The following MINAR1 variants were observed in gnomAD, a reference collection of about 807,000 sequenced individuals.
MINAR1 encodes membrane integral NOTCH2 associated receptor 1.
A neutral mutation model predicts 65.1 loss-of-function variants in MINAR1; 40 were observed. The ratio of observed to expected loss-of-function variants is 0.61; its 90% confidence interval spans 0.48 to 0.80. The LOEUF is 0.80. Among genes scored for constraint, MINAR1 ranks in the 30% least tolerant of loss-of-function variants. The pLI is 0.00. For synonymous variants in MINAR1, 482 were observed against 449.1 expected, an observed-to-expected ratio of 1.07 and a Z score of -0.93; for missense variants, 1,128 against 1,148.0, an observed-to-expected ratio of 0.98 and a Z score of 0.25.
intron 3 of MINAR1, 92 bp from the exon 4 acceptor site, chr15:79,468,095 A>G (rs768071137): frequency 9.0e-6 from 9 of 996,646 alleles, no homozygotes; most frequent in Admixed American, 4.3e-5. Context: ...GCTGCAGACA[A>G]CTTAAGTGCT....
At chr15:79,448,217 A>T (rs1183450143) in intron 1 of MINAR1, among the ~76,000 whole-genome samples, 1 of 152,226 alleles carries the variant, frequency 6.6e-6, no homozygotes, top group African/African-American at 2.4e-5. Context: ...AAATTGCTTC[A>T]TAATCACTTG....
intron 2 of MINAR1, among the ~76,000 whole-genome samples, 196 bp downstream of exon 2, chr15:79,458,641 C>T (rs1161302784): frequency 2.6e-5 from 4 of 152,172 alleles, no homozygotes; most frequent in African/African-American, 7.2e-5. Flanking sequence ...CCAGGTTGTC[C>T]ATCAGCTAGG....
chr15:79,465,408 C>T (rs1019586691), intron 3 of MINAR1, among the ~76,000 whole-genome samples: 3 of 150,302 alleles, frequency 2.0e-5, no homozygotes, highest in Non-Finnish European at 2.9e-5. Context: ...GTGCAGACCC[C>T]GTTCTTCTTT....
chr15:79,461,196 C>T (rs1313247060), intron 2 of MINAR1, among the ~76,000 whole-genome samples: 1 of 152,238 alleles, frequency 6.6e-6, no homozygotes, highest in South Asian at 2.1e-4. Flanking sequence ...GCATGGGCAG[C>T]AATGAAACTT....
the MINAR1 span, chr15:79,421,982 G>C: frequency 6.6e-6 from 1 of 152,226 alleles, no homozygotes; most frequent in African/African-American, 2.4e-5. Flanking sequence ...TCAGCAGCCT[G>C]TTGTCAAGGT....
intron 1 of MINAR1, among the ~76,000 whole-genome samples, chr15:79,455,027 TAAGA>T (rs773442867): frequency 3.9e-5 from 6 of 152,198 alleles, no homozygotes; most frequent in Non-Finnish European, 8.8e-5. Flanking sequence ...ATCAAAAAAA[TAAGA>T]AAGCTTGATG....
At chr15:79,420,174 T>C in the MINAR1 span, 5 of 152,302 alleles carry the variant, frequency 3.3e-5, no homozygotes, top group Middle Eastern at 3.4e-3. Flanking sequence ...ATCTTTAAGA[T>C]GCTGAGGGAG....
rs202104295 is a variant in MINAR1, at chr15:79,458,132, G to A, written c.1985G>A (p.Arg662Gln). ...EGPSDDSASPRMFHAHSGSHG... is the reference protein window; with the variant it reads ...EGPSDDSASPQMFHAHSGSHG... ...CCGTCTGATGACAGTGCCTCTCCCC[G>A]GATGTTCCACGCACACAGTGGCTCC... Residue 662 changes from arginine to glutamine, a missense_variant, in exon 2 of 4, where the codon CGG becomes CAG. By Grantham distance (43) the Arg-to-Gln change is conservative. Coordinates refer to ENST00000305428, the MANE Select transcript of MINAR1 (RefSeq NM_015206.3). 87 of 1,614,096 alleles carry A rather than the reference G, an allele frequency of 5.4e-5. 1 individual carries two copies. Among genetic ancestry groups the A allele is most frequent in the African/African-American group, 8.0e-5 (6 of 75,030 alleles).
chr15:79,448,251 C>T (rs1364021854), intron 1 of MINAR1, among the ~76,000 whole-genome samples: 1 of 152,160 alleles, frequency 6.6e-6, no homozygotes, highest in Non-Finnish European at 1.5e-5. Context: ...GGGCTTTGCA[C>T]TAGGGTTGAG....
In MINAR1 at chr15:79,472,054, A is replaced by G. The variant is rs751815753; in HGVS notation, c.*3670A>G. ...GAATGTAAGGTGAAATTTTATGTGC[A>G]AGATCCTGAAGGAATGGGTATTCTT... is the stretch of plus-strand genomic sequence containing the variant. On this transcript the variant is annotated 3_prime_UTR_variant, in exon 4 of 4. Coordinates refer to ENST00000305428, the MANE Select transcript of MINAR1 (RefSeq NM_015206.3). The G allele has an allele frequency of 6.6e-6, 1 of 152,626 alleles. No individual in the cohort carries two copies. The highest frequency in any genetic ancestry group is 2.4e-5 in the African/African-American group (1 of 41,452). The allele number at this position is 152,626 out of a possible 1,614,324, so 9.5% of individuals were successfully genotyped here. A position where few individuals can be genotyped will look rare whatever the true frequency, so the allele number is the denominator to read the frequency against.
chr15:79,429,609 C>T (rs1483507375), upstream of MINAR1, among the ~76,000 whole-genome samples: 1 of 152,188 alleles, frequency 6.6e-6, no homozygotes, highest in African/African-American at 2.4e-5. Context: ...CCCATCTCAT[C>T]GTCAGTCTCT....
chr15:79,440,742 C>G (rs554592436), intron 1 of MINAR1, among the ~76,000 whole-genome samples: 21 of 152,198 alleles, frequency 1.4e-4, no homozygotes, highest in Non-Finnish European at 2.9e-4. Flanking sequence ...TATCTTTCCC[C>G]TGCGCCTCCT....
intron 3 of MINAR1, among the ~76,000 whole-genome samples, chr15:79,466,788 A>G (rs1293986068): frequency 2.0e-5 from 3 of 152,170 alleles, no homozygotes; most frequent in Non-Finnish European, 4.4e-5. Context: ...CTGGTGAAGC[A>G]CCCAGAGACC....
At chr15:79,428,111 A>G (rs750048914), upstream of MINAR1, among the ~76,000 whole-genome samples, 8 of 152,144 alleles carry the variant, frequency 5.3e-5, no homozygotes, top group Non-Finnish European at 1.2e-4. Flanking sequence ...GGTACATTCA[A>G]GCTTATGCCT....
rs139431778 is a variant in MINAR1 at position 79,445,478 on chromosome 15, A to G, written c.-50-10620A>G. Among the ~76,000 whole-genome samples, 666 of 152,154 alleles carry G rather than the reference A, an allele frequency of 4.4e-3. 4 individuals are homozygous for G. Among genetic ancestry groups the G allele is most frequent in the Non-Finnish European group, 5.4e-3 (368 of 67,996 alleles). ...GCCATTTTGCCTGTAACAAACACTAACAATACTCTGATTTAGTTTTGATTG... is the reference window on the plus strand; with the variant it reads ...GCCATTTTGCCTGTAACAAACACTAGCAATACTCTGATTTAGTTTTGATTG... On this transcript the variant is annotated intron_variant, in intron 1 of 3. Transcript: ENST00000305428.
chr15:79,451,763 G>C (rs907217229), intron 1 of MINAR1, among the ~76,000 whole-genome samples: 3 of 152,134 alleles, frequency 2.0e-5, no homozygotes, highest in African/African-American at 7.2e-5. Context: ...TTTCCACATG[G>C]GGGTGGGGGT....
intron 1 of MINAR1, among the ~76,000 whole-genome samples, chr15:79,437,602 T>G (rs1455222258): frequency 3.1e-5 from 4 of 129,750 alleles, no homozygotes; most frequent in African/African-American, 1.2e-4. Context: ...CATGTGAATG[T>G]GGAGAGGTAA....
chr15:79,424,724 A>G, the MINAR1 span: 1 of 152,232 alleles, frequency 6.6e-6, no homozygotes, highest in Non-Finnish European at 1.5e-5. Flanking sequence ...AATTTTTACA[A>G]GAACATCGAA....
chr15:79,451,425 C>A (rs1895196333), intron 1 of MINAR1, among the ~76,000 whole-genome samples: 1 of 152,142 alleles, frequency 6.6e-6, no homozygotes, highest in Non-Finnish European at 1.5e-5. Context: ...AGGGCTGTTC[C>A]AGGAGCCGGC....
Sources: allele counts gnomAD v4.1 joint callset (sites outside exome capture counted in the v4.1 genomes callset), GRCh38; gene constraint gnomAD v4.1.1; transcripts MANE v1.5; gene names NCBI Gene and HGNC (gene_info 2026-07-23, HGNC 2026-07-21).